DAPK1: variants seen among roughly 807,000 people sequenced by gnomAD.
DAPK1 encodes death associated protein kinase 1, also known as death-associated protein kinase 1.
Under a neutral mutation model 144.9 loss-of-function variants are expected in DAPK1, and 56 were observed. That is an observed-to-expected ratio of 0.39 (90% CI 0.31 to 0.48). The LOEUF is 0.48. Ranked by LOEUF, DAPK1 falls within the 20% of genes least tolerant of loss-of-function variation. The pLI, the probability that DAPK1 is intolerant of heterozygous loss-of-function variation, is 0.95. For missense variants in DAPK1, 1,454 were observed against 1,875.4 expected (o/e 0.78, Z 4.15); for synonymous variants, 690 against 749.0 (o/e 0.92, Z 1.29).
In DAPK1 at chr9:87,658,475, C is replaced by T. The variant is rs562306289; in HGVS notation, c.1923+348C>T. 2.0e-5 allele frequency among the ~76,000 whole-genome samples: 3 copies of T among 152,214 alleles called. No homozygotes were observed. In the South Asian group the frequency reaches 6.2e-4, roughly 32 times the overall value. ...TCCTCTGCCCCAGGGTGCTGGAGCC[C>T]CTGCCCTTTAGAAGGAGCTGGGGGA... On this transcript the variant is annotated intron_variant, in intron 18 of 25. Transcript: ENST00000408954.
intron 2 of DAPK1, among the ~76,000 whole-genome samples, chr9:87,520,298 CACA>C (rs1397806665): frequency 6.6e-6 from 1 of 152,116 alleles, no homozygotes; most frequent in Non-Finnish European, 1.5e-5. Flanking sequence ...TTGCCAGCAT[CACA>C]ACAAGGTGTG....
chr9:87,625,005 A>G (rs530326017), intron 3 of DAPK1, among the ~76,000 whole-genome samples: 1 of 152,334 alleles, frequency 6.6e-6, no homozygotes, highest in South Asian at 2.1e-4. Context: ...TGGTCCCGAG[A>G]CCATCACCTG....
chr9:87,525,157 GGTGGAAGACTGTGTCT>G (rs1825446370), intron 2 of DAPK1: 1 of 687,004 alleles, frequency 1.5e-6, no homozygotes, highest in Non-Finnish European at 2.6e-6. Context: ...CAAACAGTTG[GGTGGAAGACTGTGTCT>G]TCCTGTGTGT....
In DAPK1 at chr9:87,708,054, T is replaced by C. The variant is rs7868357; in HGVS notation, c.*690T>C. 13,698 of 314,122 alleles carry C rather than the reference T, an allele frequency of 0.044. 1,856 individuals carry two copies. Among genetic ancestry groups the C allele is most frequent in the African/African-American group, 0.28 (12,798 of 45,382 alleles). The allele number at this position is 314,122 out of a possible 1,614,324, so 19.5% of individuals were successfully genotyped here. ...TTGTTTTCTGACAGTTTTTCTGTTT[T>C]GTTTGGCAAGGAAAGGGGAGAAGGG... On this transcript the variant is annotated 3_prime_UTR_variant, in exon 26 of 26. Coordinates refer to ENST00000408954, the MANE Select transcript of DAPK1 (RefSeq NM_004938.4).
At chr9:87,519,471 GT>G (rs1825210953) in intron 2 of DAPK1, among the ~76,000 whole-genome samples, 1 of 152,166 alleles carries the variant, frequency 6.6e-6, no homozygotes, top group African/African-American at 2.4e-5. Flanking sequence ...TGGGAGAGTA[GT>G]TTACCCAAAC....
At chr9:87,500,833 T>C (rs1211623232) in intron 2 of DAPK1, among the ~76,000 whole-genome samples, 1 of 152,190 alleles carries the variant, frequency 6.6e-6, no homozygotes, top group African/African-American at 2.4e-5. Context: ...ATTGACAAAT[T>C]GTTTATTAAA....
chr9:87,550,154 G>A (rs1049177468), intron 2 of DAPK1, among the ~76,000 whole-genome samples: 28 of 152,178 alleles, frequency 1.8e-4, no homozygotes, highest in Admixed American at 1.8e-3. Context: ...CGTCACCCTA[G>A]AGAGTTCTCT....
At chr9:87,539,235 A>G (rs1370501030) in intron 2 of DAPK1, among the ~76,000 whole-genome samples, 2 of 151,910 alleles carry the variant, frequency 1.3e-5, no homozygotes, top group East Asian at 1.9e-4. Flanking sequence ...TATTAAAGCA[A>G]TTACTGAAGT....
chr9:87,679,660 G>A (rs1231368370), intron 19 of DAPK1, among the ~76,000 whole-genome samples: 4 of 152,174 alleles, frequency 2.6e-5, no homozygotes, highest in African/African-American at 7.2e-5. Context: ...CCTGTTGTCC[G>A]CACTGCGCTT....
At chr9:87,611,916 T>C (rs983221222) in intron 3 of DAPK1, among the ~76,000 whole-genome samples, 2 of 152,200 alleles carry the variant, frequency 1.3e-5, no homozygotes, top group African/African-American at 4.8e-5. Context: ...CTTAGTTCAT[T>C]TTGGGTTTTG....
intron 3 of DAPK1, among the ~76,000 whole-genome samples, chr9:87,606,090 T>TTC (rs1317335152): frequency 6.6e-6 from 1 of 152,232 alleles, no homozygotes; most frequent in African/African-American, 2.4e-5. Flanking sequence ...ATTTGCCCTT[T>TTC]TGCCCATCCA....
At chr9:87,569,096 G>T (rs889857846) in intron 2 of DAPK1, among the ~76,000 whole-genome samples, 1 of 152,170 alleles carries the variant, frequency 6.6e-6, no homozygotes, top group African/African-American at 2.4e-5. Flanking sequence ...GTGGTTCTCA[G>T]CCTTGGCTGG....
At chr9:87,539,046 A>AT (rs1265848243) in intron 2 of DAPK1, among the ~76,000 whole-genome samples, 1 of 150,808 alleles carries the variant, frequency 6.6e-6, no homozygotes, top group African/African-American at 2.4e-5. Flanking sequence ...TTTAAGATTA[A>AT]TTTTATTGCT....
chr9:87,657,945 C>G (rs544433709), intron 17 of DAPK1, 84 bp from the exon 18 acceptor site: 6 of 720,234 alleles, frequency 8.3e-6, no homozygotes, highest in East Asian at 8.0e-5. Flanking sequence ...GCCCTGACCC[C>G]TTCCTTAACC....
At chr9:87,528,763 TC>T in intron 2 of DAPK1, among the ~76,000 whole-genome samples, 1 of 114,916 alleles carries the variant, frequency 8.7e-6, no homozygotes, top group Admixed American at 8.7e-5. Context: ...TCCCAGCTAC[TC>T]GGGAGGCTGA....
chr9:87,688,850 A>T (rs116097282), intron 21 of DAPK1, among the ~76,000 whole-genome samples: 84 of 152,086 alleles, frequency 5.5e-4, no homozygotes, highest in Non-Finnish European at 6.6e-4. Context: ...GCCTTTTTGG[A>T]TGCATAGTTT....
chr9:87,608,385 T>C (rs1828808939), intron 3 of DAPK1, among the ~76,000 whole-genome samples: 1 of 152,164 alleles, frequency 6.6e-6, no homozygotes, highest in Non-Finnish European at 1.5e-5. Context: ...CATTCACCCA[T>C]TTGGGTTGTT....
intron 2 of DAPK1, among the ~76,000 whole-genome samples, chr9:87,571,957 G>A (rs1030287702): frequency 2.6e-5 from 4 of 152,144 alleles, no homozygotes; most frequent in Non-Finnish European, 5.9e-5. Context: ...AGGGCTTTGT[G>A]TTTTCTTTTG....
At chr9:87,525,427 G>C in intron 2 of DAPK1, 1 of 1,610,866 alleles carries the variant, frequency 6.2e-7, no homozygotes, top group Admixed American at 1.7e-5. Flanking sequence ...TGTGCCGCCA[G>C]TGTTTCCGTC....
Sources: allele counts gnomAD v4.1 joint callset (sites outside exome capture counted in the v4.1 genomes callset), GRCh38; gene constraint gnomAD v4.1.1; transcripts MANE v1.5; gene names NCBI Gene and HGNC (gene_info 2026-07-23, HGNC 2026-07-21).